Variants in SLC5A4 observed in about 807,000 individuals in gnomAD.
The protein encoded by SLC5A4 is probable glucose sensor protein SLC5A4.
SLC5A4 carries 55 observed loss-of-function variants against 70.3 expected under a neutral mutation model. That is an observed-to-expected ratio of 0.78 (90% CI 0.63 to 0.98). SLC5A4 has a LOEUF of 0.98. Among genes scored for constraint, SLC5A4 ranks in the 50% least tolerant of loss-of-function variants. The pLI is 0.00. For missense variants in SLC5A4, 735 were observed against 839.2 expected, an observed-to-expected ratio of 0.88 and a Z score of 1.53; for synonymous variants, 268 against 305.7, an observed-to-expected ratio of 0.88 and a Z score of 1.29.
the SLC5A4 span, chr22:32,270,790 G>A: frequency 1.7e-6 from 1 of 604,044 alleles, no homozygotes; most frequent in Non-Finnish European, 3.1e-6. Flanking sequence ...GAGTGCCGAC[G>A]GCCGCGTCAC....
At chr22:32,313,849 G>A in the SLC5A4 span, among the ~76,000 whole-genome samples, 1 of 152,202 alleles carries the variant, frequency 6.6e-6, no homozygotes, top group Non-Finnish European at 1.5e-5. Context: ...TTGCATGCAT[G>A]AGAATGAAGG....
chr22:32,323,701 T>A, the SLC5A4 span, among the ~76,000 whole-genome samples: 3 of 152,154 alleles, frequency 2.0e-5, no homozygotes, highest in East Asian at 3.9e-4. Flanking sequence ...TCTGCTTGGT[T>A]TCCCCCAGGA....
the SLC5A4 span, among the ~76,000 whole-genome samples, chr22:32,324,159 T>C: frequency 6.6e-6 from 1 of 151,876 alleles, no homozygotes; most frequent in African/African-American, 2.4e-5. Context: ...CGCGGCTCTA[T>C]TTCTCATGCC....
chr22:32,251,172 A>AAAAAAAAAAC (rs1927128925), intron 3 of SLC5A4, among the ~76,000 whole-genome samples: 1 of 150,602 alleles, frequency 6.6e-6, no homozygotes. Flanking sequence ...AAAAAAAAAA[A>AAAAAAAAAAC]AAAACCAAAG....
At chr22:32,330,970 CACTGGTGTG>C in the SLC5A4 span, among the ~76,000 whole-genome samples, 1 of 2,124 alleles carries the variant, frequency 4.7e-4, no homozygotes, top group African/African-American at 2.1e-3. Context: ...GTGTTGGGGG[CACTGGTGTG>C]TGTGTTGGGG....
the SLC5A4 span, chr22:32,268,448 T>C: frequency 6.6e-6 from 1 of 152,232 alleles, no homozygotes; most frequent in Non-Finnish European, 1.5e-5. Context: ...ATGTGCTCCT[T>C]TCGCTCTGTG....
Position 32,254,149 on chromosome 22 carries a change from C to A in SLC5A4, c.200G>T (p.Trp67Leu). 1 of 1,613,132 alleles carries A rather than the reference C, an allele frequency of 6.2e-7. No individual in the cohort carries two copies. Among genetic ancestry groups the A allele is most frequent in the Non-Finnish European group, 8.5e-7 (1 of 1,179,090 alleles). Residue 67 changes from tryptophan (W) to leucine (L), a missense_variant, in exon 2 of 15, where the codon TGG (tryptophan) becomes TTG (leucine). Trp to Leu is a moderately conservative substitution (Grantham distance 61, BLOSUM62 -2). Transcript: ENST00000266086. ...GFFLAGRDMA[W>L]WPMGASLFAS... ...AAACTTCGATCCACTTACCGGCCAC[C>A]AGGCCATATCACGACCAGCGAGGAA...
At chr22:32,288,871 AG>A in the SLC5A4 span, among the ~76,000 whole-genome samples, 1 of 152,174 alleles carries the variant, frequency 6.6e-6, no homozygotes, top group African/African-American at 2.4e-5. Flanking sequence ...AGATTATTTT[AG>A]GTTTTCTACC....
chr22:32,306,872 C>G, the SLC5A4 span, among the ~76,000 whole-genome samples: 1 of 151,624 alleles, frequency 6.6e-6, no homozygotes, highest in Admixed American at 6.6e-5. Flanking sequence ...TAGGAAGAAA[C>G]TGGGTATGAG....
chr22:32,279,373 A>G, the SLC5A4 span, among the ~76,000 whole-genome samples: 2 of 152,272 alleles, frequency 1.3e-5, no homozygotes, highest in East Asian at 3.8e-4. Flanking sequence ...AGGTAGGTTG[A>G]CATCAATGAA....
At chr22:32,258,888 C>T (rs1016637744), upstream of SLC5A4, among the ~76,000 whole-genome samples, 11 of 152,136 alleles carry the variant, frequency 7.2e-5, no homozygotes, top group African/African-American at 2.7e-4. Flanking sequence ...TATTATTCAG[C>T]CTTTGAAAGG....
chr22:32,332,104 G>A, the SLC5A4 span, among the ~76,000 whole-genome samples: 2 of 148,604 alleles, frequency 1.3e-5, no homozygotes, highest in Admixed American at 1.3e-4. Context: ...CACCACCCTC[G>A]GCCAAGCCGC....
the SLC5A4 span, among the ~76,000 whole-genome samples, chr22:32,334,530 G>A: frequency 6.6e-6 from 1 of 152,178 alleles, no homozygotes; most frequent in African/African-American, 2.4e-5. Context: ...ATTCCTGCTG[G>A]TTGGCTGCTG....
chr22:32,226,921 G>A (rs1266492867), intron 11 of SLC5A4, among the ~76,000 whole-genome samples: 1 of 151,896 alleles, frequency 6.6e-6, no homozygotes, highest in Non-Finnish European at 1.5e-5. Flanking sequence ...AGCAACCCTC[G>A]TTTTTCCTTC....
At chr22:32,339,978 C>G in the SLC5A4 span, among the ~76,000 whole-genome samples, 2 of 152,218 alleles carry the variant, frequency 1.3e-5, no homozygotes, top group Non-Finnish European at 2.9e-5. Flanking sequence ...CAGCTATGCA[C>G]CCAGCATAGA....
At chr22:32,245,235 T>A (rs535767254) in intron 5 of SLC5A4, among the ~76,000 whole-genome samples, 1 of 152,232 alleles carries the variant, frequency 6.6e-6, no homozygotes, top group Admixed American at 6.5e-5. Flanking sequence ...ACACAAAAGG[T>A]CATGTCTAAG....
At chr22:32,306,484 C>G in the SLC5A4 span, among the ~76,000 whole-genome samples, 1 of 150,384 alleles carries the variant, frequency 6.6e-6, no homozygotes, top group Non-Finnish European at 1.5e-5. Flanking sequence ...AAAACAAAAA[C>G]TACTGTATAT....
chr22:32,272,141 G>C, the SLC5A4 span: 2 of 690,454 alleles, frequency 2.9e-6, no homozygotes, highest in Non-Finnish European at 5.3e-6. Context: ...ACCAGGTCAG[G>C]CTTCAAAGGC....
chr22:32,336,565 T>C, the SLC5A4 span, among the ~76,000 whole-genome samples: 2 of 152,338 alleles, frequency 1.3e-5, no homozygotes, highest in African/African-American at 2.4e-5. Flanking sequence ...AGGTGTGCCA[T>C]GTTGCCTGTT....
Sources: gnomAD v4.1 joint callset for allele counts (sites outside exome capture counted in the v4.1 genomes callset) on GRCh38, gnomAD v4.1.1 for gene constraint, MANE v1.5 for transcripts, NCBI Gene and HGNC (gene_info 2026-07-23, HGNC 2026-07-21) for gene names.